SYN3: variants seen among roughly 807,000 people sequenced by gnomAD.
The protein encoded by SYN3 is synapsin III, also known as synapsin-3.
SYN3 carries 35 observed loss-of-function variants against 65.8 expected under a neutral mutation model. The ratio of observed to expected loss-of-function variants is 0.53; its 90% CI spans 0.41 to 0.70. The LOEUF is 0.70. SYN3 is among the 30% of genes least tolerant of loss of function. The pLI, the probability that SYN3 is intolerant of heterozygous loss-of-function variation, is 0.00. For missense variants in SYN3, 680 were observed against 749.0 expected (o/e 0.91, Z 1.08); for synonymous variants, 270 against 292.9 (o/e 0.92, Z 0.80).
intron 3 of SYN3, among the ~76,000 whole-genome samples, chr22:32,966,722 C>T (rs1601806339): frequency 6.6e-6 from 1 of 152,150 alleles, no homozygotes; most frequent in African/African-American, 2.4e-5. Flanking sequence ...TGAGACCAGT[C>T]TGGGCAATAC....
intron 1 of SYN3, among the ~76,000 whole-genome samples, chr22:33,038,361 C>T (rs747411509): frequency 2.2e-4 from 33 of 152,312 alleles, no homozygotes; most frequent in Middle Eastern, 3.4e-3. Context: ...ACTGCTGCGG[C>T]GCTGCCTCCT....
chr22:33,025,217 G>A (rs2053620592), intron 1 of SYN3, among the ~76,000 whole-genome samples: 1 of 152,046 alleles, frequency 6.6e-6, no homozygotes, highest in Admixed American at 6.6e-5. Flanking sequence ...AGCACTTTGG[G>A]AGGCCGAGAC....
chr22:33,020,403 G>A (rs998572663), intron 1 of SYN3, among the ~76,000 whole-genome samples: 1 of 152,164 alleles, frequency 6.6e-6, no homozygotes, highest in African/African-American at 2.4e-5. Flanking sequence ...CAGGACATAG[G>A]AGATGGGGTA....
At chr22:32,617,991 A>G (rs1054697525) in intron 6 of SYN3, among the ~76,000 whole-genome samples, 3 of 152,134 alleles carry the variant, frequency 2.0e-5, no homozygotes, top group East Asian at 1.9e-4. Context: ...CAATACATCA[A>G]TAAGGATCAC....
intron 6 of SYN3, among the ~76,000 whole-genome samples, chr22:32,600,382 T>C (rs2059264827): frequency 6.6e-6 from 1 of 152,096 alleles, no homozygotes; most frequent in Non-Finnish European, 1.5e-5. Flanking sequence ...TGGCTGTAAA[T>C]ACAGATGAAG....
At chr22:32,664,584 C>CTTT (rs71320943) in intron 6 of SYN3, among the ~76,000 whole-genome samples, 776 of 69,038 alleles carry the variant, frequency 0.011, 219 homozygotes, top group African/African-American at 0.052. Context: ...CAATTGGTCG[C>CTTT]TTTTTTTTTT....
intron 6 of SYN3, among the ~76,000 whole-genome samples, chr22:32,649,988 T>A (rs1388241630): frequency 3.9e-5 from 6 of 152,116 alleles, no homozygotes; most frequent in Non-Finnish European, 7.3e-5. Flanking sequence ...TCATGACTAG[T>A]AGGCTTTGAT....
intron 7 of SYN3, among the ~76,000 whole-genome samples, chr22:32,556,443 C>T (rs1474204351): frequency 3.3e-5 from 5 of 152,138 alleles, no homozygotes; most frequent in African/African-American, 1.2e-4. Context: ...AAGAAACATA[C>T]GATCCAATCT....
intron 1 of SYN3, chr22:33,014,674 G>C (rs1311353092): frequency 6.6e-6 from 1 of 152,506 alleles, no homozygotes; most frequent in African/African-American, 2.4e-5. Context: ...CAGCTACTCG[G>C]GGGGCTGAGG....
intron 1 of SYN3, among the ~76,000 whole-genome samples, chr22:33,013,939 C>G (rs991198788): frequency 1.3e-5 from 2 of 151,922 alleles, no homozygotes; most frequent in African/African-American, 4.8e-5. Context: ...GGGTCTCACT[C>G]TGTTGCCCAG....
rs1405264723 is a variant in SYN3, at chr22:32,998,788, A to AAAC, written c.311+7563_311+7564insGTT. ...TCTATAGAAATAGTAAAAAAAAAAA[A>AAAC]AAAAAAAAAAACAAAAGTCCCTCCA... On this transcript the variant is annotated intron_variant, in intron 2 of 13. Coordinates refer to ENST00000358763, the MANE Select transcript of SYN3 (RefSeq NM_003490.4). Among the ~76,000 whole-genome samples the AAAC allele has an allele frequency of 1.5e-4, 21 of 140,780 alleles. 1 individual carries two copies. The highest frequency in any genetic ancestry group is 4.2e-4 in the African/African-American group (17 of 40,108). The allele number at this position is 140,780 out of a possible 152,430, so 92.4% of individuals were successfully genotyped here. A position where few individuals can be genotyped will look rare whatever the true frequency, so the allele number is the denominator to read the frequency against.
chr22:32,537,156 C>T (rs931142691), intron 9 of SYN3, among the ~76,000 whole-genome samples: 2 of 151,912 alleles, frequency 1.3e-5, no homozygotes, highest in South Asian at 2.1e-4. Context: ...GGCCCTTCGA[C>T]CCTTCCCCCC....
chr22:32,979,637 G>A (rs1349762938), intron 3 of SYN3, among the ~76,000 whole-genome samples: 4 of 152,190 alleles, frequency 2.6e-5, no homozygotes, highest in African/African-American at 4.8e-5. Flanking sequence ...AGGAGGAGGA[G>A]TAGGAAGAGG....
intron 4 of SYN3, among the ~76,000 whole-genome samples, chr22:32,914,597 C>T (rs2050140996): frequency 6.7e-6 from 1 of 150,040 alleles, no homozygotes; most frequent in Non-Finnish European, 1.5e-5. Context: ...GCCACCATGC[C>T]CGGCTAATTT....
At chr22:32,543,778 C>T (rs2058295727) in intron 7 of SYN3, among the ~76,000 whole-genome samples, 2 of 152,132 alleles carry the variant, frequency 1.3e-5, no homozygotes, top group Admixed American at 1.3e-4. Flanking sequence ...TGGGTGGTGC[C>T]CTGAAGATGA....
chr22:32,833,259 C>A (rs972261267), intron 6 of SYN3, among the ~76,000 whole-genome samples: 7 of 152,094 alleles, frequency 4.6e-5, no homozygotes, highest in South Asian at 2.1e-4. Context: ...GGACATGGGA[C>A]CATGTCATAA....
At chr22:32,927,509 A>C (rs922235895) in intron 4 of SYN3, among the ~76,000 whole-genome samples, 2 of 152,020 alleles carry the variant, frequency 1.3e-5, no homozygotes, top group African/African-American at 4.8e-5. Context: ...CTGGCCTCCC[A>C]AAGTGCTGGG....
At chr22:32,977,284 T>C (rs1220891700) in intron 3 of SYN3, among the ~76,000 whole-genome samples, 3 of 152,182 alleles carry the variant, frequency 2.0e-5, no homozygotes, top group Non-Finnish European at 4.4e-5. Context: ...TCCCTGATGG[T>C]CCTGCTCATA....
At chr22:32,661,216 G>A (rs1569133333) in intron 6 of SYN3, among the ~76,000 whole-genome samples, 1 of 152,234 alleles carries the variant, frequency 6.6e-6, no homozygotes. Flanking sequence ...CTGCTTCTCT[G>A]CTGTCTTCAA....
Sources: gnomAD v4.1 joint callset for allele counts (sites outside exome capture counted in the v4.1 genomes callset) on GRCh38, gnomAD v4.1.1 for gene constraint, MANE v1.5 for transcripts, NCBI Gene and HGNC (gene_info 2026-07-23, HGNC 2026-07-21) for gene names.